Variants in DOCK5 observed in about 807,000 individuals in gnomAD.
The protein encoded by DOCK5 is dedicator of cytokinesis 5.
Under a neutral mutation model 251.8 loss-of-function variants are expected in DOCK5, and 142 were observed. The observed-to-expected ratio is 0.56, with a 90% confidence interval of 0.49 to 0.65. The LOEUF is 0.65. Ranked by LOEUF, DOCK5 falls within the 30% of genes least tolerant of loss-of-function variation. The pLI, the probability that DOCK5 is intolerant of heterozygous loss-of-function variation, is 0.00. For synonymous variants in DOCK5, 842 were observed against 835.5 expected (o/e 1.01, Z -0.13); for missense variants, 2,111 against 2,312.3 (o/e 0.91, Z 1.79).
chr8:25,327,076 G>A (rs964274384), intron 18 of DOCK5, among the ~76,000 whole-genome samples: 1 of 152,146 alleles, frequency 6.6e-6, no homozygotes, highest in Non-Finnish European at 1.5e-5. Flanking sequence ...ATATCTCTGT[G>A]AATTGGTTTC....
At chr8:25,220,055 A>G (rs1802343221) in intron 1 of DOCK5, among the ~76,000 whole-genome samples, 1 of 148,874 alleles carries the variant, frequency 6.7e-6, no homozygotes, top group South Asian at 2.1e-4. Flanking sequence ...CAGACATGAT[A>G]TTTCATCTTC....
At chr8:25,185,294 G>C (rs1266312424) in intron 1 of DOCK5, among the ~76,000 whole-genome samples, 12 of 152,316 alleles carry the variant, frequency 7.9e-5, no homozygotes, top group Admixed American at 7.8e-4. Flanking sequence ...GCTCGCCCCG[G>C]TGCGCCCAGC....
At chr8:25,378,505 A>T (rs1475498248) in intron 38 of DOCK5, among the ~76,000 whole-genome samples, 1 of 152,218 alleles carries the variant, frequency 6.6e-6, no homozygotes. Flanking sequence ...GGCTCTGCAC[A>T]CATTTCCTCA....
chr8:25,330,928 A>G (rs1251245691), intron 18 of DOCK5, among the ~76,000 whole-genome samples: 3 of 151,866 alleles, frequency 2.0e-5, no homozygotes, highest in Non-Finnish European at 4.4e-5. Flanking sequence ...AAATACAAAA[A>G]TTAGCCAGGT....
chr8:25,307,862 G>A (rs1035208514), intron 11 of DOCK5, among the ~76,000 whole-genome samples: 8 of 152,198 alleles, frequency 5.3e-5, no homozygotes, highest in Non-Finnish European at 1.2e-4. Context: ...TATGGCAAGC[G>A]CTACTATAAT....
At chr8:25,260,354 A>ACCCCCCCCCCCCC (rs200471079) in intron 2 of DOCK5, among the ~76,000 whole-genome samples, 1 of 135,106 alleles carries the variant, frequency 7.4e-6, no homozygotes, top group African/African-American at 2.8e-5. Flanking sequence ...GGTGCCGCCC[A>ACCCCCCCCCCCCC]CCCCCGCCCA....
chr8:25,205,082 C>T (rs904447421), intron 1 of DOCK5, among the ~76,000 whole-genome samples: 1 of 152,006 alleles, frequency 6.6e-6, no homozygotes, highest in Non-Finnish European at 1.5e-5. Flanking sequence ...AATTAAAGTA[C>T]AGACAGGGTC....
chr8:25,408,666 A>T, intron 49 of DOCK5, 136 bp from the exon 50 acceptor site: 1 of 982,084 alleles, frequency 1.0e-6, no homozygotes, highest in Non-Finnish European at 1.5e-6. Context: ...TGCCCATCAT[A>T]TGACAATGCT....
At chr8:25,217,047 T>C (rs1433433934) in intron 1 of DOCK5, among the ~76,000 whole-genome samples, 2 of 147,630 alleles carry the variant, frequency 1.4e-5, no homozygotes, top group Non-Finnish European at 3.0e-5. Context: ...TGTGTATACA[T>C]GTATAGATGT....
chr8:25,401,401 A>C lies in DOCK5; in HGVS notation c.4926+335A>C, dbSNP rs111249949. 2.7e-3 allele frequency among the ~76,000 whole-genome samples: 405 copies of C among 152,258 alleles called. 5 individuals carry two copies. In the South Asian group the frequency reaches 0.031, roughly 12 times the overall value. On this transcript the variant is annotated intron_variant, in intron 47 of 51. Coordinates refer to ENST00000276440, the MANE Select transcript of DOCK5 (RefSeq NM_024940.8). ...TCTGAGAAGTTCCCGGGTGATATTG[A>C]TGCTGCTGGTCTGGGGACAACACTT... is the stretch of plus-strand genomic sequence containing the variant.
chr8:25,345,465 T>G lies in DOCK5; in HGVS notation c.2618-10T>G. 1.2e-6 allele frequency: 2 copies of G among 1,613,380 alleles called. No individual in the cohort carries two copies. Among genetic ancestry groups the G allele is most frequent in the Non-Finnish European group, 1.7e-6 (2 of 1,179,740 alleles). On this transcript the variant is annotated splice_polypyrimidine_tract_variant and intron_variant, in intron 25 of 51. Transcript: ENST00000276440. ...TGCTGTGTGTGAGCTGTCTGTGTTTTCCTTCTCAGAGTGCAGAGAAGTGCT... is the reference window on the plus strand; with the variant it reads ...TGCTGTGTGTGAGCTGTCTGTGTTTGCCTTCTCAGAGTGCAGAGAAGTGCT...
Position 25,411,231 on chromosome 8 carries a change from C to G in DOCK5, c.5546C>G (p.Ala1849Gly), listed in dbSNP as rs1173799722. ...PPLPVRREAK[A>G]PPPPPPKARK... Reference sequence around the variant, plus strand: ...CTGCCTGTCCGAAGAGAAGCCAAAGCACCACCCCCTCCACCTCCAAAGGCT... The same window carrying G: ...CTGCCTGTCCGAAGAGAAGCCAAAGGACCACCCCCTCCACCTCCAAAGGCT... Residue 1849 changes from alanine (A) to glycine (G), a missense_variant, in exon 52 of 52, where the codon GCA becomes GGA. Physicochemically the swap from Ala to Gly is moderately conservative, Grantham distance 60. Around this residue, in one of 3 missense-constraint regions of DOCK5, gnomAD observed 1,717 missense variants for 1,892.4 expected, o/e 0.91. Transcript: ENST00000276440. 6.3e-7 allele frequency: 1 copy of G among 1,592,252 alleles called. No individual in the cohort carries two copies. Among genetic ancestry groups the G allele is most frequent in the Non-Finnish European group, 8.5e-7 (1 of 1,171,072 alleles).
At chr8:25,348,217 A>G (rs1311993156) in intron 26 of DOCK5, among the ~76,000 whole-genome samples, 1 of 151,996 alleles carries the variant, frequency 6.6e-6, no homozygotes, top group Non-Finnish European at 1.5e-5. Context: ...ATTTTTTTAA[A>G]CATTGCAGGA....
chr8:25,351,148 C>T (rs1157385259), intron 26 of DOCK5, among the ~76,000 whole-genome samples: 6 of 152,142 alleles, frequency 3.9e-5, no homozygotes, highest in Non-Finnish European at 8.8e-5. Context: ...AGCTCCACCT[C>T]CTGGGTTCCC....
chr8:25,357,131 C>A (rs767864009), intron 27 of DOCK5, among the ~76,000 whole-genome samples: 1 of 151,322 alleles, frequency 6.6e-6, no homozygotes, highest in Non-Finnish European at 1.5e-5. Flanking sequence ...AGTTCATGGA[C>A]AGACTGTTTA....
At chr8:25,295,889 G>A (rs747341315) in intron 6 of DOCK5, among the ~76,000 whole-genome samples, 2 of 152,054 alleles carry the variant, frequency 1.3e-5, no homozygotes, top group Non-Finnish European at 2.9e-5. Context: ...GTGCAATCCT[G>A]ACTCATTGCA....
intron 51 of DOCK5, 98 bp from the exon 52 acceptor site, chr8:25,411,096 A>G: frequency 7.3e-7 from 1 of 1,362,142 alleles, no homozygotes; most frequent in Non-Finnish European, 9.6e-7. Flanking sequence ...AACTCAGATC[A>G]ATTAGAAGCT....
At chr8:25,355,957 C>A (rs1406615083) in intron 27 of DOCK5, among the ~76,000 whole-genome samples, 3 of 150,882 alleles carry the variant, frequency 2.0e-5, no homozygotes, top group Non-Finnish European at 4.4e-5. Context: ...CTTTGGGAGG[C>A]TGAGGCGGGC....
intron 25 of DOCK5, among the ~76,000 whole-genome samples, chr8:25,344,197 T>C (rs1346350959): frequency 1.3e-5 from 2 of 152,194 alleles, no homozygotes; most frequent in African/African-American, 4.8e-5. Flanking sequence ...GAAAAACTCT[T>C]ACACTGATAA....
Sources: allele counts gnomAD v4.1 joint callset (sites outside exome capture counted in the v4.1 genomes callset), GRCh38; gene constraint gnomAD v4.1.1; regional missense constraint gnomAD v4.1.1; transcripts MANE v1.5; gene names NCBI Gene and HGNC (gene_info 2026-07-23, HGNC 2026-07-21).